Variants in AMPH observed in about 807,000 individuals in gnomAD.
AMPH encodes the protein amphiphysin, also known as amphiphysin (Stiff-Mann syndrome with breast cancer 128kD autoantigen).
In AMPH, 49 loss-of-function variants were observed where a neutral mutation model predicts 99.1. That is an observed-to-expected ratio of 0.49 (90% CI 0.39 to 0.63). The LOEUF (loss-of-function observed/expected upper bound fraction) is 0.63, where lower values mean the gene tolerates loss of function less well. Among genes scored for constraint, AMPH ranks in the 20% least tolerant of loss-of-function variants. The pLI is 0.00. For synonymous variants in AMPH, 314 were observed against 317.3 expected, an observed-to-expected ratio of 0.99 and a Z score of 0.11; for missense variants, 759 against 863.4, an observed-to-expected ratio of 0.88 and a Z score of 1.52.
intron 17 of AMPH, among the ~76,000 whole-genome samples, chr7:38,398,832 C>T (rs1284022088): frequency 1.3e-5 from 2 of 151,264 alleles, no homozygotes; most frequent in East Asian, 4.0e-4. Context: ...TACGTACCCA[C>T]AAAAGTTAAA....
At position 38,470,566 on chromosome 7, in the gene AMPH, C is replaced by T. The variant is rs747870491; in HGVS notation, c.591-4318G>A. On this transcript the variant is annotated intron_variant, in intron 7 of 20. Transcript: ENST00000356264. Reference sequence around the variant, plus strand: ...GATTAATTTTTGGAAGGCTTTTCCACAGTCCCCTCTTCTTTTGCACATTCC... The same window carrying T: ...GATTAATTTTTGGAAGGCTTTTCCATAGTCCCCTCTTCTTTTGCACATTCC... 1.4e-4 allele frequency among the ~76,000 whole-genome samples: 22 copies of T among 152,252 alleles called. No homozygotes were observed. The South Asian group carries it at 2.5e-3, about 17-fold the overall frequency.
At chr7:38,454,111 A>C (rs1253026987) in intron 11 of AMPH, among the ~76,000 whole-genome samples, 1 of 152,250 alleles carries the variant, frequency 6.6e-6, no homozygotes, top group Non-Finnish European at 1.5e-5. Context: ...CTCAAGCCCC[A>C]GTTAATTTTA....
chr7:38,545,589 G>T (rs1266174580), intron 1 of AMPH, among the ~76,000 whole-genome samples: 1 of 152,178 alleles, frequency 6.6e-6, no homozygotes, highest in Non-Finnish European at 1.5e-5. Flanking sequence ...TTTATTAAAT[G>T]ATGCCTTTTG....
At chr7:38,500,601 T>C (rs534937051) in intron 3 of AMPH, among the ~76,000 whole-genome samples, 19 of 152,240 alleles carry the variant, frequency 1.2e-4, no homozygotes, top group Non-Finnish European at 2.2e-4. Flanking sequence ...CCAAATCAAA[T>C]AGACTTGGGA....
At chr7:38,514,662 T>C (rs963861127) in intron 2 of AMPH, among the ~76,000 whole-genome samples, 4 of 152,222 alleles carry the variant, frequency 2.6e-5, no homozygotes, top group African/African-American at 9.6e-5. Flanking sequence ...GAGTTTGGCC[T>C]GACTTCTTTT....
At chr7:38,409,519 C>A (rs1350724855) in intron 17 of AMPH, among the ~76,000 whole-genome samples, 2 of 152,178 alleles carry the variant, frequency 1.3e-5, no homozygotes, top group African/African-American at 2.4e-5. Context: ...TACCCCCGGT[C>A]CCTAGTAGCG....
intron 1 of AMPH, among the ~76,000 whole-genome samples, chr7:38,613,789 T>A (rs1335407901): frequency 7.2e-6 from 1 of 139,474 alleles, no homozygotes; most frequent in Non-Finnish European, 1.5e-5. Flanking sequence ...GAGGTTTAGC[T>A]GCAGGAATAA....
intron 15 of AMPH, among the ~76,000 whole-genome samples, chr7:38,425,220 A>G (rs1417109889): frequency 1.3e-5 from 2 of 152,220 alleles, no homozygotes; most frequent in Non-Finnish European, 2.9e-5. Context: ...GGCAGTCCCC[A>G]TGACCAACAG....
chr7:38,472,233 G>A (rs2129013022), intron 7 of AMPH, among the ~76,000 whole-genome samples: 1 of 152,218 alleles, frequency 6.6e-6, no homozygotes, highest in Admixed American at 6.5e-5. Flanking sequence ...CTCATAGGAG[G>A]CAAAGAAGAT....
At chr7:38,575,941 C>T (rs768772677) in intron 1 of AMPH, among the ~76,000 whole-genome samples, 2 of 152,166 alleles carry the variant, frequency 1.3e-5, no homozygotes, top group Non-Finnish European at 2.9e-5. Flanking sequence ...GGCAAAGGCA[C>T]CCCCTGGAAC....
intron 5 of AMPH, among the ~76,000 whole-genome samples, chr7:38,482,185 T>C (rs1054489424): frequency 2.0e-5 from 3 of 152,148 alleles, no homozygotes; most frequent in Non-Finnish European, 2.9e-5. Flanking sequence ...TCTTGGTTGA[T>C]AGCCTCTATG....
At chr7:38,448,483 T>G (rs1786876214) in intron 11 of AMPH, among the ~76,000 whole-genome samples, 1 of 152,232 alleles carries the variant, frequency 6.6e-6, no homozygotes. Context: ...AGTTATCAAT[T>G]AGGCATAGTA....
At chr7:38,424,677 T>A (rs1428917625) in intron 15 of AMPH, among the ~76,000 whole-genome samples, 1 of 152,086 alleles carries the variant, frequency 6.6e-6, no homozygotes, top group East Asian at 1.9e-4. Flanking sequence ...AATATTTTTT[T>A]AAAATTCTCC....
intron 11 of AMPH, among the ~76,000 whole-genome samples, chr7:38,438,574 C>T (rs1190917754): frequency 6.6e-6 from 1 of 151,928 alleles, no homozygotes; most frequent in African/African-American, 2.4e-5. Flanking sequence ...TCATTATTTC[C>T]TTTTAAGCAT....
chr7:38,496,356 C>T (rs772101835), intron 3 of AMPH, among the ~76,000 whole-genome samples: 25 of 152,168 alleles, frequency 1.6e-4, no homozygotes, highest in Non-Finnish European at 7.3e-5. Context: ...TCTCTTTAGA[C>T]ACAGCCAACA....
At chr7:38,445,749 C>T (rs549614477) in intron 11 of AMPH, among the ~76,000 whole-genome samples, 21 of 152,244 alleles carry the variant, frequency 1.4e-4, no homozygotes, top group South Asian at 4.2e-4. Flanking sequence ...CTAACCGATA[C>T]GGTTTGGATT....
At chr7:38,618,702 T>C (rs946140838) in intron 1 of AMPH, among the ~76,000 whole-genome samples, 3 of 152,004 alleles carry the variant, frequency 2.0e-5, no homozygotes, top group African/African-American at 7.2e-5. Flanking sequence ...AATGTAGATG[T>C]TAACTGTAAT....
intron 1 of AMPH, among the ~76,000 whole-genome samples, chr7:38,575,330 G>GA (rs141948808): frequency 0.01 from 1,537 of 152,186 alleles, 33 homozygotes; most frequent in East Asian, 0.085. Context: ...TATGAATGTA[G>GA]AAAATGGAGA....
At chr7:38,488,255 C>T (rs1229961908) in intron 5 of AMPH, among the ~76,000 whole-genome samples, 1 of 152,088 alleles carries the variant, frequency 6.6e-6, no homozygotes, top group African/African-American at 2.4e-5. Flanking sequence ...TTCACAACAG[C>T]AAAGACTTGG....
Sources: gnomAD v4.1 joint callset for allele counts (sites outside exome capture counted in the v4.1 genomes callset) on GRCh38, gnomAD v4.1.1 for gene constraint, MANE v1.5 for transcripts, NCBI Gene and HGNC (gene_info 2026-07-23, HGNC 2026-07-21) for gene names.